Variants in GLI3 observed in about 807,000 individuals in gnomAD.
The protein encoded by GLI3 is transcription activator GLI3.
A neutral mutation model predicts 100.8 loss-of-function variants in GLI3; 20 were observed. The ratio of observed to expected loss-of-function variants is 0.20; its 90% CI spans 0.14 to 0.29. The LOEUF (loss-of-function observed/expected upper bound fraction) is 0.29, where lower values mean the gene tolerates loss of function less well. Among genes scored for constraint, GLI3 ranks in the 10% least tolerant of loss-of-function variants. The pLI is 1.00. For missense variants in GLI3, 2,040 were observed against 2,128.5 expected, an observed-to-expected ratio of 0.96 and a Z score of 0.82; for synonymous variants, 938 against 860.5, an observed-to-expected ratio of 1.09 and a Z score of -1.58.
chr7:42,239,986 T>C (rs942271991), upstream of GLI3, among the ~76,000 whole-genome samples: 11 of 152,202 alleles, frequency 7.2e-5, no homozygotes, highest in African/African-American at 2.7e-4. Context: ...AGAGTTATTA[T>C]GGTTGAAATT....
chr7:42,083,060 C>G (rs185677273), intron 3 of GLI3, among the ~76,000 whole-genome samples: 4 of 152,268 alleles, frequency 2.6e-5, no homozygotes, highest in Admixed American at 1.3e-4. Context: ...CAATTATACT[C>G]TCTTCATTAT....
At chr7:42,129,184 T>C (rs1691161383) in intron 3 of GLI3, among the ~76,000 whole-genome samples, 1 of 152,284 alleles carries the variant, frequency 6.6e-6, no homozygotes, top group South Asian at 2.1e-4. Context: ...AGTAATTTAA[T>C]CCTCAAAACG....
In GLI3 at chr7:42,076,833, A is replaced by G. The variant is rs1784887303; in HGVS notation, c.392T>C (p.Phe131Ser). 1 of 1,612,122 alleles carries G rather than the reference A, an allele frequency of 6.2e-7. No individual in the cohort carries two copies. The highest frequency in any genetic ancestry group is 8.5e-7 in the Non-Finnish European group (1 of 1,178,276). The part of the protein sequence containing the change: ...HYHPPHLFPA[F>S]HPPVPIDARH... ...GGCATCAATTGGTACAGGAGGATGG[A>G]AGGCAGGGAAAAGATGAGGAGGGTC... Residue 131 changes from phenylalanine to serine, a missense_variant, in exon 4 of 15, where the codon TTC (phenylalanine) becomes TCC (serine). Coordinates refer to ENST00000395925, the MANE Select transcript of GLI3 (RefSeq NM_000168.6).
intron 3 of GLI3, among the ~76,000 whole-genome samples, chr7:42,088,432 C>T (rs1174680234): frequency 6.6e-6 from 1 of 152,330 alleles, no homozygotes; most frequent in African/African-American, 2.4e-5. Flanking sequence ...TCTCATCTGG[C>T]TTCCTATTTT....
intron 2 of GLI3, among the ~76,000 whole-genome samples, chr7:42,168,550 G>A (rs999644280): frequency 6.6e-6 from 1 of 152,138 alleles, no homozygotes. Context: ...TACATATAAT[G>A]TAGATGAATC....
chr7:42,206,010 G>A (rs1268877608), intron 2 of GLI3, among the ~76,000 whole-genome samples: 1 of 152,194 alleles, frequency 6.6e-6, no homozygotes, highest in East Asian at 1.9e-4. Flanking sequence ...GCTCATGCCT[G>A]TAATCCCAGC....
intron 10 of GLI3, among the ~76,000 whole-genome samples, chr7:42,001,569 G>C (rs1343543810): frequency 3.9e-5 from 6 of 152,056 alleles, no homozygotes; most frequent in Non-Finnish European, 7.4e-5. Context: ...ATGCATATAA[G>C]AGAAAATAAA....
At chr7:42,039,025 T>C (rs542694077) in intron 7 of GLI3, among the ~76,000 whole-genome samples, 1 of 152,344 alleles carries the variant, frequency 6.6e-6, no homozygotes, top group East Asian at 1.9e-4. Flanking sequence ...CAAGGAATTA[T>C]TCACAATTAA....
At chr7:42,137,995 G>C (rs903187473) in intron 3 of GLI3, among the ~76,000 whole-genome samples, 21 of 152,042 alleles carry the variant, frequency 1.4e-4, no homozygotes, top group Admixed American at 1.0e-3. Context: ...TCAGATAAGG[G>C]GTACTCAACC....
At chr7:42,126,977 C>T (rs182692322) in intron 3 of GLI3, among the ~76,000 whole-genome samples, 8 of 152,178 alleles carry the variant, frequency 5.3e-5, no homozygotes, top group Non-Finnish European at 8.8e-5. Flanking sequence ...CACAGCCAGC[C>T]CCTGAACCAT....
At chr7:42,173,073 T>C (rs1402254381) in intron 2 of GLI3, among the ~76,000 whole-genome samples, 1 of 152,146 alleles carries the variant, frequency 6.6e-6, no homozygotes, top group Non-Finnish European at 1.5e-5. Context: ...GCAAGTCAAA[T>C]TGTCACAACG....
chr7:42,210,632 T>C (rs1788253526), intron 2 of GLI3, among the ~76,000 whole-genome samples: 1 of 152,102 alleles, frequency 6.6e-6, no homozygotes, highest in African/African-American at 2.4e-5. Flanking sequence ...CTGAACTTTT[T>C]GAAAAAGTAG....
chr7:42,175,346 A>G (rs1303192915), intron 2 of GLI3, among the ~76,000 whole-genome samples: 1 of 152,202 alleles, frequency 6.6e-6, no homozygotes, highest in African/African-American at 2.4e-5. Context: ...GGCTGGGTAC[A>G]GTGGCTCATG....
chr7:42,030,280 G>A (rs992371462), intron 7 of GLI3, among the ~76,000 whole-genome samples: 2 of 151,948 alleles, frequency 1.3e-5, no homozygotes, highest in African/African-American at 4.8e-5. Flanking sequence ...CCGGATAATC[G>A]AGGATCATCT....
chr7:42,081,768 T>C (rs1040519523), intron 3 of GLI3, among the ~76,000 whole-genome samples: 3 of 152,030 alleles, frequency 2.0e-5, no homozygotes, highest in Non-Finnish European at 2.9e-5. Flanking sequence ...CATACAAAAA[T>C]TGCAGATTAA....
intron 10 of GLI3, among the ~76,000 whole-genome samples, chr7:41,996,826 G>A (rs1373809514): frequency 6.6e-6 from 1 of 152,066 alleles, no homozygotes; most frequent in African/African-American, 2.4e-5. Flanking sequence ...AATTTTCAGG[G>A]GGAGGTAACG....
At chr7:41,990,012 A>C (rs1787938981) in intron 10 of GLI3, among the ~76,000 whole-genome samples, 1 of 150,608 alleles carries the variant, frequency 6.6e-6, no homozygotes, top group African/African-American at 2.5e-5. Flanking sequence ...AAAAAAAGGA[A>C]ACATAATGCT....
chr7:42,166,452 ATC>A (rs1410104842), intron 2 of GLI3, among the ~76,000 whole-genome samples: 1 of 152,116 alleles, frequency 6.6e-6, no homozygotes, highest in African/African-American at 2.4e-5. Context: ...AACAACAGGC[ATC>A]TTTCTGATCG....
upstream of GLI3, among the ~76,000 whole-genome samples, chr7:42,239,849 TG>T (rs1268011373): frequency 6.6e-6 from 1 of 152,122 alleles, no homozygotes; most frequent in African/African-American, 2.4e-5. Flanking sequence ...GCAGAAACAG[TG>T]GAGGGGTAAA....
Sources: allele counts gnomAD v4.1 joint callset (sites outside exome capture counted in the v4.1 genomes callset), GRCh38; gene constraint gnomAD v4.1.1; transcripts MANE v1.5; gene names NCBI Gene and HGNC (gene_info 2026-07-23, HGNC 2026-07-21).